CCDC191: variants seen among roughly 807,000 people sequenced by gnomAD.
CCDC191 encodes coiled-coil domain-containing protein 191.
CCDC191 carries 99 observed loss-of-function variants against 114.0 expected under a neutral mutation model. The ratio of observed to expected loss-of-function variants is 0.87; its 90% CI spans 0.74 to 1.03. The LOEUF (loss-of-function observed/expected upper bound fraction) is 1.03. Among genes scored for constraint, CCDC191 ranks in the 50% least tolerant of loss-of-function variants. The pLI, the probability that CCDC191 is intolerant of heterozygous loss-of-function variation, is 0.00. For synonymous variants in CCDC191, 351 were observed against 376.0 expected (o/e 0.93, Z 0.77); for missense variants, 973 against 1,087.0 (o/e 0.90, Z 1.47).
chr3:113,983,239 C>G (rs996527872), intron 13 of CCDC191, among the ~76,000 whole-genome samples: 1 of 152,112 alleles, frequency 6.6e-6, no homozygotes, highest in Non-Finnish European at 1.5e-5. Flanking sequence ...CTCTTTCTAC[C>G]TCACTAGCTC....
At chr3:113,983,140 G>A (rs770368227) in intron 13 of CCDC191, among the ~76,000 whole-genome samples, 14 of 152,020 alleles carry the variant, frequency 9.2e-5, no homozygotes, top group Non-Finnish European at 1.3e-4. Context: ...AATTGAACTC[G>A]GTAGCATTCA....
chr3:113,967,176 T>G (rs892008947), intron 16 of CCDC191, among the ~76,000 whole-genome samples: 1 of 152,112 alleles, frequency 6.6e-6, no homozygotes, highest in Admixed American at 6.5e-5. Flanking sequence ...ATCCATTCAG[T>G]CCACCATTTA....
At chr3:114,009,145 G>T (rs2076023822) in intron 9 of CCDC191, among the ~76,000 whole-genome samples, 2 of 152,136 alleles carry the variant, frequency 1.3e-5, no homozygotes, top group South Asian at 2.1e-4. Context: ...TTGCAGGACT[G>T]GAAGTTGCTC....
intron 8 of CCDC191, among the ~76,000 whole-genome samples, chr3:114,017,204 T>C (rs2076173931): frequency 6.6e-6 from 1 of 151,046 alleles, no homozygotes; most frequent in Non-Finnish European, 1.5e-5. Context: ...TGCTTGATAA[T>C]CTCCAGCCAA....
At chr3:114,038,848 C>T (rs374303293) in intron 4 of CCDC191, among the ~76,000 whole-genome samples, 23 of 152,068 alleles carry the variant, frequency 1.5e-4, no homozygotes, top group Non-Finnish European at 2.4e-4. Flanking sequence ...CACATGGACA[C>T]GTTGGGAAGA....
intron 16 of CCDC191, among the ~76,000 whole-genome samples, chr3:113,973,278 A>G (rs956625431): frequency 1.3e-5 from 2 of 152,144 alleles, no homozygotes; most frequent in Non-Finnish European, 2.9e-5. Flanking sequence ...AGGCTGCTGT[A>G]GCTATTACTG....
rs745504755 is a variant in CCDC191 at position 113,980,643 on chromosome 3, A to G, written c.2307+7T>C. 1.3e-6 allele frequency: 2 copies of G among 1,577,486 alleles called. No individual in the cohort carries two copies. The highest frequency in any genetic ancestry group is 2.8e-5 in the African/African-American group (2 of 72,218). On this transcript the variant is annotated splice_region_variant and intron_variant, in intron 14 of 16. Transcript: ENST00000295878. ...CTAATCTGGGGGATAACAGTGGGAC[A>G]GTGTACCTGGATGTTTTGTTTGCTT...
intron 7 of CCDC191, among the ~76,000 whole-genome samples, chr3:114,019,650 CAT>C (rs2107701315): frequency 6.6e-6 from 1 of 152,298 alleles, no homozygotes; most frequent in East Asian, 1.9e-4. Flanking sequence ...CATGCCATTT[CAT>C]AGTTTCCTAT....
At chr3:114,031,824 T>G (rs1175772098) in intron 6 of CCDC191, 45 bp from the exon 7 acceptor site, 4 of 883,330 alleles carry the variant, frequency 4.5e-6, no homozygotes, top group Non-Finnish European at 5.3e-6. Context: ...ACAATAGATT[T>G]AAAAATGAGC....
At chr3:114,044,471 A>G (rs1577474562) in intron 3 of CCDC191, among the ~76,000 whole-genome samples, 1 of 152,222 alleles carries the variant, frequency 6.6e-6, no homozygotes, top group Non-Finnish European at 1.5e-5. Flanking sequence ...TACCTTCATC[A>G]TTATGATGAT....
chr3:114,024,446 A>AACC lies in CCDC191; in HGVS notation c.973-5581_973-5579dup, dbSNP rs1299089125. 2.6e-5 allele frequency among the ~76,000 whole-genome samples: 4 copies of AACC among 152,208 alleles called. No individual in the cohort carries two copies. The South Asian group carries it at 6.2e-4, about 24-fold the overall frequency. ...TTCACAATAGCAAAGACTTGGAACC[A>AACC]ACCCAAATGTCCAACAATGATAGAC... On this transcript the variant is annotated intron_variant, in intron 7 of 16. Transcript: ENST00000295878.
chr3:114,041,849 C>G (rs150791260), intron 4 of CCDC191, among the ~76,000 whole-genome samples: 104 of 152,136 alleles, frequency 6.8e-4, no homozygotes, highest in Non-Finnish European at 1.3e-3. Flanking sequence ...TACACGTCAG[C>G]CATCTAACTT....
At chr3:114,035,532 G>T (rs2076471408) in intron 5 of CCDC191, among the ~76,000 whole-genome samples, 1 of 152,144 alleles carries the variant, frequency 6.6e-6, no homozygotes, top group South Asian at 2.1e-4. Flanking sequence ...AGAAAGAACA[G>T]AACTTTTTTG....
At chr3:113,965,540 G>T (rs578032689) in intron 16 of CCDC191, 181 bp from the exon 17 acceptor site, 4 of 398,608 alleles carry the variant, frequency 1.0e-5, no homozygotes, top group Admixed American at 4.3e-5. Context: ...GGCAACAAAA[G>T]GGAATGAGAG....
At chr3:114,020,867 T>G (rs893889043) in intron 7 of CCDC191, among the ~76,000 whole-genome samples, 1 of 152,186 alleles carries the variant, frequency 6.6e-6, no homozygotes, top group African/African-American at 2.4e-5. Context: ...ATAGTATCCT[T>G]TGATTCTGAC....
chr3:114,047,451 C>A (rs1330940388), intron 2 of CCDC191, among the ~76,000 whole-genome samples: 2 of 152,098 alleles, frequency 1.3e-5, no homozygotes, highest in Non-Finnish European at 2.9e-5. Context: ...TGCCTAAGCT[C>A]AGGAGTTTGA....
chr3:114,017,959 T>C (rs1270928979), intron 8 of CCDC191, among the ~76,000 whole-genome samples: 1 of 152,162 alleles, frequency 6.6e-6, no homozygotes, highest in Non-Finnish European at 1.5e-5. Context: ...AAGAAAATTA[T>C]TTGATTTTAA....
chr3:114,030,421 T>A (rs1389979093), intron 7 of CCDC191, among the ~76,000 whole-genome samples: 1 of 152,180 alleles, frequency 6.6e-6, no homozygotes, highest in Non-Finnish European at 1.5e-5. Flanking sequence ...TCTTATTTTC[T>A]CTTTGAAATC....
intron 8 of CCDC191, among the ~76,000 whole-genome samples, chr3:114,013,824 C>T (rs1215282010): frequency 2.0e-5 from 3 of 152,174 alleles, no homozygotes; most frequent in African/African-American, 7.2e-5. Context: ...TTGGAACTTA[C>T]AAGTCAGAAG....
Sources: gnomAD v4.1 joint callset for allele counts (sites outside exome capture counted in the v4.1 genomes callset) on GRCh38, gnomAD v4.1.1 for gene constraint, MANE v1.5 for transcripts, NCBI Gene and HGNC (gene_info 2026-07-23, HGNC 2026-07-21) for gene names.